Variants in PTPRD observed in about 807,000 individuals in gnomAD.
PTPRD encodes protein tyrosine phosphatase receptor type D.
In PTPRD, 34 loss-of-function variants were observed where a neutral mutation model predicts 214.5. That is an observed-to-expected ratio of 0.16 (90% CI 0.12 to 0.21). PTPRD has a LOEUF of 0.21. Ranked by LOEUF, PTPRD falls within the 10% of genes least tolerant of loss-of-function variation. The pLI is 1.00. For synonymous variants in PTPRD, 1,128 were observed against 845.7 expected (o/e 1.33, Z -5.79); for missense variants, 2,545 against 2,398.7 (o/e 1.06, Z -1.27).
intron 12 of PTPRD, among the ~76,000 whole-genome samples, chr9:8,701,178 A>G (rs940309852): frequency 6.6e-6 from 1 of 152,014 alleles, no homozygotes; most frequent in Non-Finnish European, 1.5e-5. Context: ...AGAAAGTTAA[A>G]TTTTTATTTT....
intron 3 of PTPRD, among the ~76,000 whole-genome samples, chr9:10,158,608 G>A (rs2099108339): frequency 2.0e-5 from 3 of 152,110 alleles, no homozygotes; most frequent in Non-Finnish European, 2.9e-5. Flanking sequence ...TAAAACCAGG[G>A]AGGAAACAGT....
intron 8 of PTPRD, among the ~76,000 whole-genome samples, chr9:9,511,373 C>T (rs2154244563): frequency 6.6e-6 from 1 of 151,760 alleles, no homozygotes; most frequent in African/African-American, 2.4e-5. Flanking sequence ...TCTTTAAGCA[C>T]ATAGCTGATG....
At chr9:9,733,807 T>C (rs933976494) in intron 7 of PTPRD, among the ~76,000 whole-genome samples, 5 of 152,174 alleles carry the variant, frequency 3.3e-5, no homozygotes, top group Non-Finnish European at 5.9e-5. Flanking sequence ...AAATGTTTGA[T>C]AATCTTGTAT....
intron 3 of PTPRD, among the ~76,000 whole-genome samples, chr9:10,090,884 T>C (rs2098420530): frequency 6.8e-6 from 1 of 146,856 alleles, no homozygotes; most frequent in Non-Finnish European, 1.5e-5. Context: ...TACAAAAATC[T>C]ACACCAAAGG....
At chr9:10,603,093 G>T (rs150721869) in intron 2 of PTPRD, among the ~76,000 whole-genome samples, 2,329 of 151,896 alleles carry the variant, frequency 0.015, 54 homozygotes, top group South Asian at 0.022. Flanking sequence ...CCAAGAGGCT[G>T]TAGAGGTTAG....
intron 14 of PTPRD, among the ~76,000 whole-genome samples, chr9:8,555,781 C>T (rs780937642): frequency 1.3e-5 from 2 of 152,158 alleles, no homozygotes; most frequent in Non-Finnish European, 1.5e-5. Context: ...AGAGTCTACA[C>T]GTGTAGGGGA....
Position 10,598,834 on chromosome 9 carries a change from A to G in PTPRD, c.-600+13564T>C, listed in dbSNP as rs1318316747. ...ACAGATTCAGAGAGTAAAGGAGACTAGTAGATGATATAAAGAAAGGAAGAG... is the reference window on the plus strand; with the variant it reads ...ACAGATTCAGAGAGTAAAGGAGACTGGTAGATGATATAAAGAAAGGAAGAG... On this transcript the variant is annotated intron_variant, in intron 2 of 45. Transcript: ENST00000381196. 2.6e-5 allele frequency among the ~76,000 whole-genome samples: 4 copies of G among 151,708 alleles called. No homozygotes were observed. The East Asian group carries it at 7.8e-4, about 30-fold the overall frequency.
chr9:9,726,559 A>G (rs1210171152), intron 7 of PTPRD, among the ~76,000 whole-genome samples: 3 of 152,168 alleles, frequency 2.0e-5, no homozygotes, highest in African/African-American at 7.2e-5. Flanking sequence ...TAAATGTTAA[A>G]CAGTTAAACT....
At chr9:10,409,721 C>G (rs1478510201) in intron 2 of PTPRD, among the ~76,000 whole-genome samples, 1 of 151,750 alleles carries the variant, frequency 6.6e-6, no homozygotes, top group Admixed American at 6.6e-5. Flanking sequence ...AAATTTGCTT[C>G]TAATAAATAC....
At chr9:8,351,395 T>C (rs1185836477) in intron 39 of PTPRD, among the ~76,000 whole-genome samples, 1 of 150,348 alleles carries the variant, frequency 6.7e-6, no homozygotes, top group Non-Finnish European at 1.5e-5. Context: ...AGTTGAAGTA[T>C]TTTTTTGTAG....
At chr9:8,390,102 G>A (rs890159311) in intron 36 of PTPRD, among the ~76,000 whole-genome samples, 14 of 152,258 alleles carry the variant, frequency 9.2e-5, no homozygotes, top group Admixed American at 7.2e-4. Flanking sequence ...CCTGGATTAG[G>A]ACAGCTGCCC....
At chr9:9,008,342 C>T (rs1042817721) in intron 11 of PTPRD, among the ~76,000 whole-genome samples, 1 of 151,698 alleles carries the variant, frequency 6.6e-6, no homozygotes, top group Admixed American at 6.6e-5. Context: ...ACTCTCCTGC[C>T]TCAGCCTCCC....
intron 5 of PTPRD, among the ~76,000 whole-genome samples, chr9:9,857,278 C>G (rs935242866): frequency 1.6e-4 from 25 of 152,236 alleles, no homozygotes; most frequent in African/African-American, 5.1e-4. Context: ...TCTCAAAATT[C>G]TCTGAGTTCT....
At chr9:8,667,027 T>C (rs571942535) in intron 12 of PTPRD, among the ~76,000 whole-genome samples, 1 of 152,244 alleles carries the variant, frequency 6.6e-6, no homozygotes, top group South Asian at 2.1e-4. Flanking sequence ...TAAAGGGAAT[T>C]TGGAGGGCCA....
chr9:9,161,756 A>G (rs2154494206), intron 10 of PTPRD, among the ~76,000 whole-genome samples: 1 of 152,260 alleles, frequency 6.6e-6, no homozygotes, highest in Admixed American at 6.5e-5. Flanking sequence ...TTAGATAAAT[A>G]CATACATACT....
At chr9:9,684,257 A>T (rs1258396980) in intron 7 of PTPRD, among the ~76,000 whole-genome samples, 2 of 151,744 alleles carry the variant, frequency 1.3e-5, no homozygotes, top group African/African-American at 4.8e-5. Context: ...GCCTTTAAGT[A>T]ATCTAACCTT....
chr9:8,796,411 G>A (rs913959153), intron 11 of PTPRD, among the ~76,000 whole-genome samples: 1 of 152,168 alleles, frequency 6.6e-6, no homozygotes, highest in Non-Finnish European at 1.5e-5. Flanking sequence ...ACACTGGGAT[G>A]TAAGAATGGT....
chr9:9,307,275 T>TA (rs1957435027), intron 9 of PTPRD, among the ~76,000 whole-genome samples: 1 of 152,188 alleles, frequency 6.6e-6, no homozygotes, highest in Non-Finnish European at 1.5e-5. Context: ...TCACACTATA[T>TA]AAATTTGGTT....
At chr9:9,562,674 G>A (rs1238687494) in intron 8 of PTPRD, among the ~76,000 whole-genome samples, 5 of 151,940 alleles carry the variant, frequency 3.3e-5, no homozygotes, top group Non-Finnish European at 5.9e-5. Context: ...GTATCTATAT[G>A]GCTAACACCT....
Sources: gnomAD v4.1 joint callset for allele counts (sites outside exome capture counted in the v4.1 genomes callset) on GRCh38, gnomAD v4.1.1 for gene constraint, MANE v1.5 for transcripts, NCBI Gene and HGNC (gene_info 2026-07-23, HGNC 2026-07-21) for gene names.